RACK1: variants seen among roughly 807,000 people sequenced by gnomAD.
RACK1 encodes small ribosomal subunit protein RACK1.
Under a neutral mutation model 42.2 loss-of-function variants are expected in RACK1, and 3 were observed. That is an observed-to-expected ratio of 0.07 (90% confidence interval 0.03 to 0.18). The LOEUF is 0.18. RACK1 is among the 10% of genes least tolerant of loss of function. The probability of loss-of-function intolerance (pLI) is 1.00; values close to 1 mark genes in which losing one functional copy is unlikely to be tolerated. For missense variants in RACK1, 146 were observed against 403.2 expected (o/e 0.36, Z 5.46); for synonymous variants, 181 against 154.8 (o/e 1.17, Z -1.25).
chr5:181,238,487 C>T, intron 5 of RACK1: 1 of 461,910 alleles, frequency 2.2e-6, no homozygotes, highest in South Asian at 2.3e-5. Context: ...AAACCAGGAT[C>T]CCAATCTCAT....
At position 181,243,844 on chromosome 5, in the gene RACK1, C is replaced by T; in HGVS notation, c.-44G>A. On this transcript the variant is annotated 5_prime_UTR_variant, in exon 1 of 8. The change creates a new upstream start codon in the 5' untranslated region. Coordinates refer to ENST00000512805, the MANE Select transcript of RACK1 (RefSeq NM_006098.5). ...TGTCGCTGCAGCGACGAGGATGGCA[C>T]TGGATGGCTTAGAGAAACTAGCACC... 6.4e-7 allele frequency: 1 copy of T among 1,562,390 alleles called. No individual in the cohort carries two copies. Among genetic ancestry groups the T allele is most frequent in the Non-Finnish European group, 8.7e-7 (1 of 1,153,310 alleles).
intron 2 of RACK1, 93 bp from the exon 3 acceptor site, chr5:181,241,732 A>G: frequency 3.0e-6 from 4 of 1,341,466 alleles, no homozygotes; most frequent in Non-Finnish European, 4.3e-6. Context: ...GTCTCATTGC[A>G]TCACTCATAC....
In RACK1 at chr5:181,236,948, T is replaced by A; in HGVS notation, c.*29A>T. The A allele has an allele frequency of 1.3e-6, 2 of 1,567,308 alleles. No homozygotes were observed. Among genetic ancestry groups the A allele is most frequent in the Non-Finnish European group, 8.6e-7 (1 of 1,162,844 alleles). Reference sequence around the variant, plus strand: ...TAAAAGTCAGAAAAGCCAGTTTTTTTTTTATTTGTAAAGCTCTGCCATAAA... The same window carrying A: ...TAAAAGTCAGAAAAGCCAGTTTTTTATTTATTTGTAAAGCTCTGCCATAAA... On this transcript the variant is annotated 3_prime_UTR_variant, in exon 8 of 8. Transcript: ENST00000512805.
In RACK1 at chr5:181,241,518, G is replaced by C; in HGVS notation, c.403C>G (p.Leu135Val). 1 of 1,613,644 alleles carries C rather than the reference G, an allele frequency of 6.2e-7. No homozygotes were observed. Among genetic ancestry groups the C allele is most frequent in the Non-Finnish European group, 8.5e-7 (1 of 1,179,902 alleles). Residue 135 changes from leucine to valine, a missense_variant, in exon 3 of 8, where the codon CTG (leucine) becomes GTG (valine). Transcript: ENST00000512805. Reference protein sequence around the residue: ...RDKTIKLWNTLGVCKYTVQDE... With the variant: ...RDKTIKLWNTVGVCKYTVQDE... The stretch of plus-strand genomic sequence containing the variant: ...TGGACAGTGTATTTGCACACACCCA[G>C]GGTATTCCATAGCTTGATGGTTTTA...
intron 6 of RACK1, 177 bp downstream of exon 6, chr5:181,237,922 A>G: frequency 1.5e-6 from 1 of 688,366 alleles, no homozygotes; most frequent in Non-Finnish European, 2.5e-6. Context: ...GCTGCTAAAC[A>G]TCCTGGAATG....
chr5:181,241,054 G>GCGGA (rs1238071195), intron 3 of RACK1: 1 of 157,270 alleles, frequency 6.4e-6, no homozygotes, highest in Admixed American at 6.2e-5. Context: ...AACCCAGGAG[G>GCGGA]CGGAGGTTGT....
intron 5 of RACK1, chr5:181,238,805 AAAACAAAAAAC>A (rs1460628170): frequency 6.7e-6 from 3 of 446,752 alleles, no homozygotes; most frequent in African/African-American, 6.6e-5. Flanking sequence ...TCTCAAAAAA[AAAACAAAAAAC>A]AAACAAACAA....
At chr5:181,243,125 C>T (rs570460017) in intron 1 of RACK1, 3 of 527,050 alleles carry the variant, frequency 5.7e-6, no homozygotes, top group South Asian at 5.3e-5. Context: ...AACAGCCAGA[C>T]ATGATTCAAA....
chr5:181,241,289 C>G, intron 3 of RACK1: 1 of 529,848 alleles, frequency 1.9e-6, no homozygotes, highest in Non-Finnish European at 3.4e-6. Flanking sequence ...ATTAGCTAGG[C>G]GTGGTGGCTG....
At chr5:181,241,323 G>C in intron 3 of RACK1, 169 bp downstream of exon 3, 6 of 615,350 alleles carry the variant, frequency 9.8e-6, no homozygotes, top group Non-Finnish European at 1.7e-5. Flanking sequence ...CCAGCTACTC[G>C]GGAGACTGAG....
At chr5:181,243,193 G>T (rs976035979) in intron 1 of RACK1, 2 of 1,045,564 alleles carry the variant, frequency 1.9e-6, no homozygotes, top group Admixed American at 2.3e-5. Context: ...GCGTCTAAAC[G>T]CAGTCAGGAA....
At chr5:181,241,370 C>T in intron 3 of RACK1, 122 bp downstream of exon 3, 1 of 808,226 alleles carries the variant, frequency 1.2e-6, no homozygotes, top group Non-Finnish European at 2.0e-6. Context: ...GCAGAGGTTG[C>T]AGTGAGCCGA....
rs369594764 is a variant in RACK1, at chr5:181,239,192, G to A, written c.526-15C>T. 77 of 1,536,422 alleles carry A rather than the reference G, an allele frequency of 5.0e-5. No individual in the cohort carries two copies. The highest frequency in any genetic ancestry group is 9.5e-5 in the African/African-American group (7 of 73,360). On this transcript the variant is annotated splice_polypyrimidine_tract_variant and intron_variant, in intron 4 of 7. Transcript: ENST00000512805. ...AGGTTCCATACCTGCATAGACGTGC[G>A]GTTGACAGGTGAACATCCTAGCTCT... is the stretch of plus-strand genomic sequence containing the variant.
At chr5:181,241,452 TAAGAGGGTGG>T in intron 3 of RACK1, 30 bp downstream of exon 3, 1 of 1,449,628 alleles carries the variant, frequency 6.9e-7, no homozygotes, top group Non-Finnish European at 9.1e-7. Context: ...AAGCAAAGTT[TAAGAGGGTGG>T]AAGAGATCCT....
At chr5:181,241,776 T>A (rs774932583) in intron 2 of RACK1, 137 bp from the exon 3 acceptor site, 1 of 925,398 alleles carries the variant, frequency 1.1e-6, no homozygotes. Flanking sequence ...CAGAGTCAAG[T>A]GACTGAGTAT....
At position 181,241,590 on chromosome 5, in the gene RACK1, C is replaced by G; in HGVS notation, c.331G>C (p.Val111Leu). ...TGCCGGTTGTCAGAGGAGAAGGCCA[C>G]ACTCAGCACATCCTTGGTATGGCCC... ...FVGHTKDVLS[V>L]AFSSDNRQIV... The change falls in exon 3 of 8, where the codon GTG (valine) becomes CTG (leucine). Residue 111 changes from valine (V) to leucine (L), a missense_variant. Transcript: ENST00000512805. 1 of 1,614,062 alleles carries G rather than the reference C, an allele frequency of 6.2e-7. No individual in the cohort carries two copies. The highest frequency in any genetic ancestry group is 1.1e-5 in the South Asian group (1 of 91,076).
At position 181,238,924 on chromosome 5, in the gene RACK1, C is replaced by A. The variant is rs758201391; in HGVS notation, c.636+143G>T. On this transcript the variant is annotated intron_variant, in intron 5 of 7. Transcript: ENST00000512805. ...ATTTGCTGAAAGTAATCTTTGGAAA[C>A]ATATTCTCAGATTGCCATTATCTCA... 4.0e-6 allele frequency: 3 copies of A among 743,474 alleles called. No homozygotes were observed. The East Asian group carries it at 7.5e-5, about 19-fold the overall frequency. The allele number at this position is 743,474 out of a possible 1,614,324, so 46.1% of individuals were successfully genotyped here.
At chr5:181,239,343 C>G (rs759579473) in intron 4 of RACK1, 144 bp downstream of exon 4, 1 of 772,538 alleles carries the variant, frequency 1.3e-6, no homozygotes, top group South Asian at 1.4e-5. Context: ...ATGCAGTGTG[C>G]TGACTTACAA....
rs368728504 is a variant in RACK1, at chr5:181,239,185, G to A, written c.526-8C>T. On this transcript the variant is annotated splice_polypyrimidine_tract_variant and splice_region_variant and intron_variant, in intron 4 of 7. Coordinates refer to ENST00000512805, the MANE Select transcript of RACK1 (RefSeq NM_006098.5). ...GTTAGCCAGGTTCCATACCTGCATA[G>A]ACGTGCGGTTGACAGGTGAACATCC... 38 of 1,575,126 alleles carry A rather than the reference G, an allele frequency of 2.4e-5. No homozygotes were observed. The highest frequency in any genetic ancestry group is 3.1e-5 in the Non-Finnish European group (36 of 1,144,524).
Sources: allele counts gnomAD v4.1 joint callset, GRCh38; gene constraint gnomAD v4.1.1; transcripts MANE v1.5; gene names NCBI Gene and HGNC (gene_info 2026-07-23, HGNC 2026-07-21).